CABIN1: variants seen among roughly 807,000 people sequenced by gnomAD.
The protein encoded by CABIN1 is calcineurin binding protein 1.
A neutral mutation model predicts 227.7 loss-of-function variants in CABIN1; 133 were observed. That is an observed-to-expected ratio of 0.58 (90% confidence interval 0.51 to 0.67). The LOEUF (loss-of-function observed/expected upper bound fraction) is 0.67, where lower values mean the gene tolerates loss of function less well. Ranked by LOEUF, CABIN1 falls within the 30% of genes least tolerant of loss-of-function variation. CABIN1 has a pLI of 0.00. For missense variants in CABIN1, 2,408 were observed against 2,852.5 expected, an observed-to-expected ratio of 0.84 and a Z score of 3.55; for synonymous variants, 1,086 against 1,155.1, an observed-to-expected ratio of 0.94 and a Z score of 1.21.
At chr22:24,041,012 A>G (rs1212818703) in intron 4 of CABIN1, 127 bp from the exon 5 acceptor site, 1 of 1,101,340 alleles carries the variant, frequency 9.1e-7, no homozygotes. Flanking sequence ...TTCATTTTCC[A>G]GTGGTGGACA....
Position 24,060,047 on chromosome 22 carries a change from C to T in CABIN1, c.1523C>T (p.Ala508Val), listed in dbSNP as rs567361031. ...TTGGTAAGGTGGCCTCCAGGCTTGG[C>T]GGAGGTCGTGCTCAGCGTCTACCAC... ...KFLVRWPPGL[A>V]EVVLSVYHSW... Residue 508 changes from alanine to valine, a missense_variant, in exon 12 of 37, where the codon GCG (alanine) becomes GTG (valine). Ala to Val is a moderately conservative substitution (Grantham distance 64, BLOSUM62 0). Around this residue, in one of 3 missense-constraint regions of CABIN1, gnomAD observed 1,045 missense variants for 1,168.4 expected, o/e 0.89. Transcript: ENST00000263119. The T allele has an allele frequency of 3.1e-4, 496 of 1,614,110 alleles. 8 individuals are homozygous for T. The South Asian group carries it at 5.1e-3, about 17-fold the overall frequency.
intron 1 of CABIN1, among the ~76,000 whole-genome samples, chr22:24,022,244 G>GT (rs1181074212): frequency 6.6e-6 from 1 of 152,156 alleles, no homozygotes. Context: ...ATAAGGAACA[G>GT]TCCATTGCTT....
Position 24,166,837 on chromosome 22 carries a change from G to C in CABIN1, c.5206G>C (p.Asp1736His). ...CCTCAACCACCGGCCTGTGGCCATG[G>C]ATGCAGGAGACAGTGCAGACCAAAG... The part of the protein sequence containing the change: ...GLLNHRPVAM[D>H]AGDSADQSGE... Residue 1736 changes from aspartate (D) to histidine (H), a missense_variant, in exon 32 of 37, where the codon GAT (aspartate) becomes CAT (histidine). Physicochemically the swap from Asp to His is moderately conservative, Grantham distance 81. Transcript: ENST00000263119. 1 of 1,613,024 alleles carries C rather than the reference G, an allele frequency of 6.2e-7. No homozygotes were observed. Among genetic ancestry groups the C allele is most frequent in the Middle Eastern group, 1.6e-4 (1 of 6,062 alleles).
intron 22 of CABIN1, among the ~76,000 whole-genome samples, chr22:24,085,775 C>A (rs1387513196): frequency 6.6e-6 from 1 of 152,136 alleles, no homozygotes; most frequent in Non-Finnish European, 1.5e-5. Context: ...GTTTGATGCA[C>A]TTGATTAAGA....
At chr22:24,134,232 C>CGCCT in intron 28 of CABIN1, 70 bp from the exon 29 acceptor site, 1 of 1,122,260 alleles carries the variant, frequency 8.9e-7, no homozygotes, top group Non-Finnish European at 1.3e-6. Flanking sequence ...AGGAGGGGAC[C>CGCCT]GCCTGCCTTC....
chr22:24,173,022 C>T (rs1342903438), intron 34 of CABIN1: 2 of 152,274 alleles, frequency 1.3e-5, no homozygotes. Flanking sequence ...AGAGGGTTCC[C>T]TGTGCCCCTG....
chr22:24,079,887 C>T (rs551892213), intron 19 of CABIN1, among the ~76,000 whole-genome samples: 1 of 152,106 alleles, frequency 6.6e-6, no homozygotes, highest in East Asian at 1.9e-4. Context: ...TTTCTGTGCA[C>T]CTTTATGTGG....
chr22:24,171,106 G>T (rs2046786184), intron 33 of CABIN1, among the ~76,000 whole-genome samples: 1 of 152,210 alleles, frequency 6.6e-6, no homozygotes, highest in South Asian at 2.1e-4. Context: ...AGGCCCCTAG[G>T]GCCCGGCTCA....
chr22:24,166,509 G>A, intron 31 of CABIN1, 130 bp from the exon 32 acceptor site: 3 of 1,133,910 alleles, frequency 2.6e-6, no homozygotes, highest in Non-Finnish European at 2.6e-6. Context: ...GCCCTGGCCA[G>A]CTGGCAGATG....
At chr22:24,037,254 C>T (rs1281944170) in intron 3 of CABIN1, among the ~76,000 whole-genome samples, 6 of 137,622 alleles carry the variant, frequency 4.4e-5, no homozygotes, top group Non-Finnish European at 4.6e-5. Context: ...AGTGAGACCC[C>T]GTCTCAAAAA....
intron 33 of CABIN1, among the ~76,000 whole-genome samples, chr22:24,170,936 CT>C (rs1403378603): frequency 2.6e-5 from 4 of 152,274 alleles, no homozygotes; most frequent in Non-Finnish European, 5.9e-5. Context: ...GAGAGGCTGC[CT>C]CAGGGCTGCC....
intron 1 of CABIN1, among the ~76,000 whole-genome samples, chr22:24,018,708 T>C (rs1295415259): frequency 6.6e-6 from 1 of 152,218 alleles, no homozygotes; most frequent in Non-Finnish European, 1.5e-5. Context: ...ATGTCTGTTA[T>C]ACCTATCCCC....
chr22:24,148,369 C>T (rs866745614), intron 29 of CABIN1, among the ~76,000 whole-genome samples: 1 of 152,228 alleles, frequency 6.6e-6, no homozygotes, highest in African/African-American at 2.4e-5. Context: ...TTTTGAGCCC[C>T]AGAGTTAAAG....
At chr22:24,064,720 T>G (rs1187788927) in intron 15 of CABIN1, among the ~76,000 whole-genome samples, 2 of 151,668 alleles carry the variant, frequency 1.3e-5, no homozygotes, top group African/African-American at 2.4e-5. Flanking sequence ...TGATGACTCT[T>G]AACGAGCATG....
rs367716160 is a variant in CABIN1, at chr22:24,049,085, C to T, written c.527-6C>T. 49 of 1,613,806 alleles carry T rather than the reference C, an allele frequency of 3.0e-5. No individual in the cohort carries two copies. The highest frequency in any genetic ancestry group is 1.8e-4 in the Admixed American group (11 of 60,022). ...AGAAGTCATAAACTGTCTCTTTCCC[C>T]GCCAGCATGTCTGTACTTCATCTGC... is the stretch of plus-strand genomic sequence containing the variant. On this transcript the variant is annotated splice_polypyrimidine_tract_variant and splice_region_variant and intron_variant, in intron 6 of 36. Coordinates refer to ENST00000263119, the MANE Select transcript of CABIN1 (RefSeq NM_012295.4).
chr22:24,150,441 A>G (rs1449748339), intron 29 of CABIN1, among the ~76,000 whole-genome samples: 1 of 152,152 alleles, frequency 6.6e-6, no homozygotes, highest in Admixed American at 6.5e-5. Flanking sequence ...GGGTGGAGGG[A>G]GGCAGCAGTG....
intron 29 of CABIN1, among the ~76,000 whole-genome samples, chr22:24,142,020 C>T (rs1219992096): frequency 6.6e-6 from 1 of 152,122 alleles, no homozygotes; most frequent in Non-Finnish European, 1.5e-5. Context: ...CTCCAAAGCC[C>T]AGGGTACTGT....
At chr22:24,074,036 T>C (rs2040270832) in intron 18 of CABIN1, among the ~76,000 whole-genome samples, 2 of 152,050 alleles carry the variant, frequency 1.3e-5, no homozygotes, top group Admixed American at 1.3e-4. Context: ...TTAGGATAAA[T>C]TTCTAGGAAT....
chr22:24,031,408 G>T (rs2036486350), intron 1 of CABIN1, among the ~76,000 whole-genome samples: 1 of 152,204 alleles, frequency 6.6e-6, no homozygotes, highest in Non-Finnish European at 1.5e-5. Context: ...GACACCAAGG[G>T]TTGTAAAGGA....
Sources: allele counts gnomAD v4.1 joint callset (sites outside exome capture counted in the v4.1 genomes callset), GRCh38; gene constraint gnomAD v4.1.1; regional missense constraint gnomAD v4.1.1; transcripts MANE v1.5; gene names NCBI Gene and HGNC (gene_info 2026-07-23, HGNC 2026-07-21).